Variants in ATP2C2 observed in about 807,000 individuals in gnomAD.
ATP2C2 encodes the protein calcium-transporting ATPase type 2C member 2.
In ATP2C2, 171 loss-of-function variants were observed where a neutral mutation model predicts 110.8. That is an observed-to-expected ratio of 1.54 (90% CI 1.36 to 1.75). The LOEUF is 1.75. ATP2C2 is among the 40% of genes most tolerant of loss of function. The pLI, the probability that ATP2C2 is intolerant of heterozygous loss-of-function variation, is 0.00. For synonymous variants in ATP2C2, 804 were observed against 508.4 expected, an observed-to-expected ratio of 1.58 and a Z score of -7.82; for missense variants, 1,963 against 1,235.0, an observed-to-expected ratio of 1.59 and a Z score of -8.84.
intron 9 of ATP2C2, 136 bp downstream of exon 9, chr16:84,422,833 ATTT>A: frequency 1.2e-6 from 1 of 848,196 alleles, no homozygotes; most frequent in Non-Finnish European, 1.7e-6. Flanking sequence ...TAAACATTTA[ATTT>A]TTTTTTTTAA....
rs1908998442 is a variant in ATP2C2, at chr16:84,439,075, GC to G, written c.987-90del. The G allele has an allele frequency of 4.2e-5, 66 of 1,556,030 alleles. No individual in the cohort carries two copies. The South Asian group carries it at 7.7e-4, about 18-fold the overall frequency. The stretch of plus-strand genomic sequence containing the variant: ...AGGACACTGGGGACACCTAAGACAA[GC>G]TTCACCAGCCAAAAGCATTGCCAGC... On this transcript the variant is annotated intron_variant, in intron 11 of 26. Coordinates refer to ENST00000262429, the MANE Select transcript of ATP2C2 (RefSeq NM_014861.4).
At chr16:84,424,564 C>T (rs150082549) in intron 10 of ATP2C2, among the ~76,000 whole-genome samples, 1,657 of 126,540 alleles carry the variant, frequency 0.013, 22 homozygotes, top group African/African-American at 0.051. Flanking sequence ...AGGCATGAGC[C>T]ACCGCACTGG....
intron 15 of ATP2C2, 107 bp downstream of exon 15, chr16:84,442,706 A>G (rs776228116): frequency 2.7e-6 from 3 of 1,115,418 alleles, no homozygotes; most frequent in Non-Finnish European, 4.1e-6. Context: ...GACGTTAGGT[A>G]ATCATGGAAG....
At chr16:84,452,985 G>A (rs531453444) in intron 18 of ATP2C2, among the ~76,000 whole-genome samples, 153 bp from the exon 19 acceptor site, 2 of 152,226 alleles carry the variant, frequency 1.3e-5, no homozygotes, top group South Asian at 4.2e-4. Flanking sequence ...TAATCCTGTG[G>A]ATAGAACCGA....
intron 13 of ATP2C2, among the ~76,000 whole-genome samples, chr16:84,440,336 T>G (rs4782625): frequency 6.6e-6 from 1 of 152,068 alleles, no homozygotes; most frequent in African/African-American, 2.4e-5. Flanking sequence ...TTTTTTATCC[T>G]GATATTTTTT....
At position 84,461,755 on chromosome 16, in the gene ATP2C2, G is replaced by A; in HGVS notation, c.2523G>A (p.Met841Ile). The A allele has an allele frequency of 1.2e-6, 2 of 1,614,208 alleles. No homozygotes were observed. The highest frequency in any genetic ancestry group is 8.5e-7 in the Non-Finnish European group (1 of 1,180,022). ...DRASTPRTTT[M>I]TFTCFVFFDL... is the part of the protein sequence containing the mutation. The stretch of plus-strand genomic sequence containing the variant: ...CAAGCACTCCCCGCACCACGACGAT[G>A]ACGTTCACTTGTTTTGTGTTTTTCG... Residue 841 changes from methionine to isoleucine, a missense_variant, in exon 25 of 27, where the codon ATG becomes ATA. Transcript: ENST00000262429.
rs756412149 is a variant in ATP2C2 at position 84,459,549 on chromosome 16, G to T, written c.2333+163G>T. ...AGTGTGTTGCACTGCAGTGAGACTG[G>T]GAGTAGAAGGCAGAGGAGAAAGTAC... On this transcript the variant is annotated intron_variant, in intron 23 of 26. Transcript: ENST00000262429. The T allele has an allele frequency of 9.3e-5, 143 of 1,538,972 alleles. No homozygotes were observed. In the South Asian group the frequency reaches 1.6e-3, roughly 17 times the overall value.
At chr16:84,445,700 C>G (rs1171569988) in intron 15 of ATP2C2, among the ~76,000 whole-genome samples, 1 of 152,214 alleles carries the variant, frequency 6.6e-6, no homozygotes. Context: ...CCTAATCACC[C>G]CACTCCCTCC....
chr16:84,420,834 C>T (rs1210847908), intron 7 of ATP2C2, among the ~76,000 whole-genome samples: 1 of 152,144 alleles, frequency 6.6e-6, no homozygotes, highest in African/African-American at 2.4e-5. Context: ...TGAGCAGAGT[C>T]TCTCTCTGTC....
intron 17 of ATP2C2, among the ~76,000 whole-genome samples, chr16:84,450,497 C>T (rs556771061): frequency 6.6e-5 from 10 of 152,034 alleles, no homozygotes; most frequent in African/African-American, 2.4e-4. Flanking sequence ...GGAGTATCCT[C>T]TTGGGATAGA....
At position 84,411,197 on chromosome 16, in the gene ATP2C2, A is replaced by G. The variant is rs150048995; in HGVS notation, c.515+432A>G. ...GAGCCATCAGAACATTGGCTGCAGC[A>G]TAGGGTATAGGAAGAGTGAACTTGA... is the stretch of plus-strand genomic sequence containing the variant. On this transcript the variant is annotated intron_variant, in intron 6 of 26. Coordinates refer to ENST00000262429, the MANE Select transcript of ATP2C2 (RefSeq NM_014861.4). Among the ~76,000 whole-genome samples, 1,127 of 152,286 alleles carry G rather than the reference A, an allele frequency of 7.4e-3. 16 individuals carry two copies. The highest frequency in any genetic ancestry group is 0.026 in the African/African-American group (1,077 of 41,536).
intron 1 of ATP2C2, among the ~76,000 whole-genome samples, chr16:84,378,198 GGACGCTCC>G: frequency 6.6e-6 from 1 of 152,312 alleles, no homozygotes; most frequent in Non-Finnish European, 1.5e-5. Context: ...GCACTTCTCA[GGACGCTCC>G]CTGTCTTTGC....
chr16:84,447,891 CAT>C (rs1000576744), intron 16 of ATP2C2, among the ~76,000 whole-genome samples: 26 of 92,808 alleles, frequency 2.8e-4, no homozygotes, highest in South Asian at 1.1e-3. Context: ...ATATTAATAA[CAT>C]ATATAATTAA....
In ATP2C2 at chr16:84,463,915, C is replaced by G; in HGVS notation, c.*183C>G. The G allele has an allele frequency of 1.7e-6, 1 of 594,574 alleles. No individual in the cohort carries two copies. Among genetic ancestry groups the G allele is most frequent in the Non-Finnish European group, 3.0e-6 (1 of 334,510 alleles). 36.8% of individuals were successfully genotyped at this position (594,574 alleles called of 1,614,324 possible). ...TCCAGGGACCCAGGCCCACATCCAT[C>G]CAGCGTTCCCGCTGGCTGTGGGACA... On this transcript the variant is annotated 3_prime_UTR_variant, in exon 27 of 27. Transcript: ENST00000262429.
At chr16:84,420,101 C>T (rs370651793) in intron 7 of ATP2C2, among the ~76,000 whole-genome samples, 2 of 152,140 alleles carry the variant, frequency 1.3e-5, no homozygotes, top group African/African-American at 2.4e-5. Flanking sequence ...TATCTCATCC[C>T]GGAGGTCTCT....
chr16:84,426,546 G>A (rs185937515), intron 11 of ATP2C2, among the ~76,000 whole-genome samples: 1 of 152,084 alleles, frequency 6.6e-6, no homozygotes, highest in South Asian at 2.1e-4. Flanking sequence ...AAAACTGGAG[G>A]TTCTGTGACC....
chr16:84,446,109 C>T (rs1018900058), intron 15 of ATP2C2, among the ~76,000 whole-genome samples: 2 of 151,650 alleles, frequency 1.3e-5, no homozygotes, highest in African/African-American at 4.8e-5. Context: ...GAAGCTGTTG[C>T]AAAGACCGTC....
intron 11 of ATP2C2, 192 bp downstream of exon 11, chr16:84,425,993 A>G (rs1907781883): frequency 1.6e-6 from 1 of 627,356 alleles, no homozygotes; most frequent in Non-Finnish European, 2.8e-6. Context: ...TGCTTGCAAA[A>G]TGAATGACAG....
chr16:84,413,546 G>A (rs747979450), intron 6 of ATP2C2, among the ~76,000 whole-genome samples: 3 of 152,304 alleles, frequency 2.0e-5, no homozygotes, highest in South Asian at 2.1e-4. Flanking sequence ...CTGAGCAAAC[G>A]GAAGCATAAA....
Sources: gnomAD v4.1 joint callset for allele counts (sites outside exome capture counted in the v4.1 genomes callset) on GRCh38, gnomAD v4.1.1 for gene constraint, MANE v1.5 for transcripts, NCBI Gene and HGNC (gene_info 2026-07-23, HGNC 2026-07-21) for gene names.